Variants in SMG5 observed in about 807,000 individuals in gnomAD.
The protein encoded by SMG5 is SMG5 nonsense mediated mRNA decay factor.
Under a neutral mutation model 122.9 loss-of-function variants are expected in SMG5, and 53 were observed. That is an observed-to-expected ratio of 0.43 (90% CI 0.35 to 0.54). The LOEUF (loss-of-function observed/expected upper bound fraction) is 0.54. SMG5 is among the 20% of genes least tolerant of loss of function. The probability of loss-of-function intolerance (pLI) is 0.01; values close to 1 mark genes in which losing one functional copy is unlikely to be tolerated. For missense variants in SMG5, 1,153 were observed against 1,285.6 expected, an observed-to-expected ratio of 0.90 and a Z score of 1.58; for synonymous variants, 477 against 490.2, an observed-to-expected ratio of 0.97 and a Z score of 0.35.
intron 4 of SMG5, among the ~76,000 whole-genome samples, chr1:156,276,593 C>T (rs201909597): frequency 3.9e-5 from 6 of 152,272 alleles, no homozygotes; most frequent in South Asian, 2.1e-4. Flanking sequence ...TAAAGGATGG[C>T]TGAACTGAAG....
At chr1:156,287,948 C>T in the SMG5 span, among the ~76,000 whole-genome samples, 1 of 151,882 alleles carries the variant, frequency 6.6e-6, no homozygotes, top group Admixed American at 6.6e-5. Context: ...ACTTTGCCAT[C>T]ACCTAAAATC....
intron 1 of SMG5, among the ~76,000 whole-genome samples, chr1:156,281,564 G>C (rs1418378445): frequency 6.6e-6 from 1 of 152,214 alleles, no homozygotes; most frequent in African/African-American, 2.4e-5. Context: ...AGCCAGAGAA[G>C]GCAGGATGCC....
chr1:156,253,170 C>G, intron 17 of SMG5, 92 bp from the exon 18 acceptor site: 1 of 1,387,028 alleles, frequency 7.2e-7, no homozygotes, highest in Non-Finnish European at 9.6e-7. Flanking sequence ...CTATGGGGCT[C>G]CTCCTGTTGT....
rs1662128387 is a variant in SMG5, at chr1:156,266,239, G to A, written c.1397C>T (p.Pro466Leu). ...LSCLRRRRHP[P>L]KVGDDSDLSE... ...CAGGTCACTGTCATCACCAACTTTG[G>A]GTGGGTGGCGGCGACGGCGGAGACA... The change falls in exon 12 of 22, where the codon CCC (proline) becomes CTC (leucine). Residue 466 changes from proline (P) to leucine (L), a missense_variant. Physicochemically the swap from Pro to Leu is moderately conservative, Grantham distance 98. Coordinates refer to ENST00000361813, the MANE Select transcript of SMG5 (RefSeq NM_015327.3). The A allele has an allele frequency of 6.2e-7, 1 of 1,614,218 alleles. No individual in the cohort carries two copies.
chr1:156,253,089 A>T lies in SMG5; in HGVS notation c.2503-11T>A. On this transcript the variant is annotated splice_polypyrimidine_tract_variant and intron_variant, in intron 17 of 21. Transcript: ENST00000361813. The stretch of plus-strand genomic sequence containing the variant: ...CTGAGACACTTCGAGCTGGTGAGAG[A>T]GGGCAAGGTGGGTACAGCTGTGGGG... 2 of 1,591,166 alleles carry T rather than the reference A, an allele frequency of 1.3e-6. No homozygotes were observed. The highest frequency in any genetic ancestry group is 1.1e-5 in the South Asian group (1 of 87,972).
rs1487762370 is a variant in SMG5 at position 156,282,761 on chromosome 1, A to AGCCGCAGCC, written c.-90_-82dup. ...CGCCAACACTGCCGTCTCCGGCCGT[A>AGCCGCAGCC]GCCGCAGCCGCCGCCGCCACCGGCC... On this transcript the variant is annotated 5_prime_UTR_variant, in exon 1 of 22. Transcript: ENST00000361813. The AGCCGCAGCC allele has an allele frequency of 6.3e-6, 9 of 1,426,210 alleles. No homozygotes were observed. The highest frequency in any genetic ancestry group is 1.3e-5 in the South Asian group (1 of 77,796). The allele number at this position is 1,426,210 out of a possible 1,614,324, so 88.3% of individuals were successfully genotyped here.
chr1:156,264,192 C>T (rs1661999800), intron 12 of SMG5, among the ~76,000 whole-genome samples: 1 of 123,104 alleles, frequency 8.1e-6, no homozygotes, highest in South Asian at 2.8e-4. Context: ...TGCTTGAACC[C>T]GGGAGGTGGA....
chr1:156,271,028 G>C (rs1395636052), intron 7 of SMG5, among the ~76,000 whole-genome samples: 1 of 150,946 alleles, frequency 6.6e-6, no homozygotes, highest in Non-Finnish European at 1.5e-5. Flanking sequence ...AAAGAAAAAA[G>C]AAATGCGAAA....
Position 156,250,579 on chromosome 1 carries a change from G to T in SMG5, c.*8C>A. The T allele has an allele frequency of 6.2e-7, 1 of 1,613,406 alleles. No homozygotes were observed. Reference sequence around the variant, plus strand: ...AGTCAGCCCCACTGCAGGGCCTGGGGGTCAGTATCAACCAATTTCCTTCCA... The same window carrying T: ...AGTCAGCCCCACTGCAGGGCCTGGGTGTCAGTATCAACCAATTTCCTTCCA... On this transcript the variant is annotated 3_prime_UTR_variant, in exon 22 of 22. Coordinates refer to ENST00000361813, the MANE Select transcript of SMG5 (RefSeq NM_015327.3).
rs1661216552 is a variant in SMG5, at chr1:156,249,590, C to T, written c.*997G>A. On this transcript the variant is annotated 3_prime_UTR_variant, in exon 22 of 22. Transcript: ENST00000361813. ...TCACCTCAACACTCCAAAAGCCAGCCCCTTCAGGTCTTCAGTCCTGCGGAA... is the reference window on the plus strand; with the variant it reads ...TCACCTCAACACTCCAAAAGCCAGCTCCTTCAGGTCTTCAGTCCTGCGGAA... The T allele has an allele frequency of 2.6e-6, 1 of 383,708 alleles. No individual in the cohort carries two copies. The highest frequency in any genetic ancestry group is 5.3e-6 in the Non-Finnish European group (1 of 188,386). The allele number at this position is 383,708 out of a possible 1,614,324, so 23.8% of individuals were successfully genotyped here.
chr1:156,261,258 A>T, intron 14 of SMG5, 75 bp downstream of exon 14: 2 of 1,399,290 alleles, frequency 1.4e-6, no homozygotes, highest in South Asian at 1.2e-5. Context: ...GGGCTGGGTT[A>T]TGGGGAGGGG....
intron 12 of SMG5, among the ~76,000 whole-genome samples, chr1:156,264,059 G>C (rs1275322178): frequency 2.0e-5 from 3 of 152,002 alleles, no homozygotes; most frequent in African/African-American, 7.2e-5. Context: ...CACAAGGTTA[G>C]GAGTTCAAGA....
In SMG5 at chr1:156,250,463, G is replaced by C. The variant is rs554382174; in HGVS notation, c.*124C>G. 2 of 848,670 alleles carry C rather than the reference G, an allele frequency of 2.4e-6. No homozygotes were observed. The highest frequency in any genetic ancestry group is 3.9e-6 in the Non-Finnish European group (2 of 512,450). The allele number at this position is 848,670 out of a possible 1,614,324, so 52.6% of individuals were successfully genotyped here. ...CTCCCTGCAGCCTCTGAGCAGCTAGGCCTCCCTCCTGTGTGCGTGCATGAG... is the reference window on the plus strand; with the variant it reads ...CTCCCTGCAGCCTCTGAGCAGCTAGCCCTCCCTCCTGTGTGCGTGCATGAG... On this transcript the variant is annotated 3_prime_UTR_variant, in exon 22 of 22. Coordinates refer to ENST00000361813, the MANE Select transcript of SMG5 (RefSeq NM_015327.3).
chr1:156,253,553 C>G, intron 16 of SMG5, 45 bp from the exon 17 acceptor site: 2 of 1,585,852 alleles, frequency 1.3e-6, no homozygotes. Flanking sequence ...GTGTATTTTC[C>G]CTTCTCCAGT....
At chr1:156,255,743 T>A (rs936480749) in intron 16 of SMG5, among the ~76,000 whole-genome samples, 2 of 151,720 alleles carry the variant, frequency 1.3e-5, no homozygotes, top group African/African-American at 4.8e-5. Flanking sequence ...ATATTTTTTT[T>A]ATTTTAAAAA....
chr1:156,279,111 G>A, intron 1 of SMG5, 77 bp from the exon 2 acceptor site: 1 of 1,247,398 alleles, frequency 8.0e-7, no homozygotes, highest in South Asian at 1.2e-5. Context: ...CACGATTCTA[G>A]AGGAAAAGCT....
At position 156,253,061 on chromosome 1, in the gene SMG5, C is replaced by T. The variant is rs568500435; in HGVS notation, c.2520G>A (p.Leu840=). The part of the protein sequence containing the change: ...QLRLQLEVSQ[L]EGSLQQPKAQ... Reference sequence around the variant, plus strand: ...CCTTGGGCTGCTGCAGGCTGCCCTCCAGCTGAGACACTTCGAGCTGGTGAG... The same window carrying T: ...CCTTGGGCTGCTGCAGGCTGCCCTCTAGCTGAGACACTTCGAGCTGGTGAG... The change falls in exon 18 of 22, where the codon CTG becomes CTA. Residue 840 remains leucine, a synonymous_variant. Coordinates refer to ENST00000361813, the MANE Select transcript of SMG5 (RefSeq NM_015327.3). The T allele has an allele frequency of 7.5e-6, 12 of 1,607,758 alleles. No individual in the cohort carries two copies. Among genetic ancestry groups the T allele is most frequent in the Non-Finnish European group, 1.0e-5 (12 of 1,177,026 alleles).
chr1:156,258,603 C>A (rs1446139745), intron 16 of SMG5, among the ~76,000 whole-genome samples: 4 of 152,188 alleles, frequency 2.6e-5, no homozygotes, highest in Non-Finnish European at 5.9e-5. Flanking sequence ...CGAGACCATC[C>A]TGGCCTACAT....
upstream of SMG5, among the ~76,000 whole-genome samples, chr1:156,285,019 C>T (rs1663108911): frequency 6.6e-6 from 1 of 152,182 alleles, no homozygotes; most frequent in South Asian, 2.1e-4. Flanking sequence ...TTCCTTCCCT[C>T]CTCCCTCTGT....
Sources: allele counts gnomAD v4.1 joint callset (sites outside exome capture counted in the v4.1 genomes callset), GRCh38; gene constraint gnomAD v4.1.1; transcripts MANE v1.5; gene names NCBI Gene and HGNC (gene_info 2026-07-23, HGNC 2026-07-21).